RBM47: variants seen among roughly 807,000 people sequenced by gnomAD.
RBM47 encodes the protein RNA binding motif protein 47.
In RBM47, 21 loss-of-function variants were observed where a neutral mutation model predicts 47.1. The observed-to-expected ratio is 0.45, with a 90% CI of 0.32 to 0.64. The LOEUF is 0.64. RBM47 is among the 30% of genes least tolerant of loss of function. The probability of loss-of-function intolerance (pLI) is 0.05; values close to 1 mark genes in which losing one functional copy is unlikely to be tolerated. For missense variants in RBM47, 708 were observed against 870.9 expected (o/e 0.81, Z 2.35); for synonymous variants, 375 against 361.7 (o/e 1.04, Z -0.42).
intron 2 of RBM47, among the ~76,000 whole-genome samples, chr4:40,540,678 T>A (rs1028377673): frequency 1.1e-4 from 15 of 142,576 alleles, no homozygotes; most frequent in Non-Finnish European, 1.7e-4. Flanking sequence ...ATAATAATAA[T>A]AAATGGGGAA....
chr4:40,443,710 T>C (rs1714033634), intron 3 of RBM47, among the ~76,000 whole-genome samples: 3 of 66,830 alleles, frequency 4.5e-5, no homozygotes, highest in Admixed American at 2.6e-4. Flanking sequence ...AGAGTGAAAC[T>C]CCTTCTCAAA....
chr4:40,443,449 G>T (rs1240127806), intron 3 of RBM47, among the ~76,000 whole-genome samples: 1 of 152,114 alleles, frequency 6.6e-6, no homozygotes, highest in Non-Finnish European at 1.5e-5. Context: ...TGGGCACAGT[G>T]GCTTACACCT....
chr4:40,573,807 A>AAGAAAAGAAAGAAAGAAAGAAAG (rs1553903539), intron 1 of RBM47, among the ~76,000 whole-genome samples: 2 of 136,662 alleles, frequency 1.5e-5, no homozygotes, highest in African/African-American at 6.1e-5. Context: ...GAAAGAAAGA[A>AAGAAAAGAAAGAAAGAAAGAAAG]AAAGAAAGAA....
At chr4:40,431,645 G>A (rs1289796585) in intron 6 of RBM47, among the ~76,000 whole-genome samples, 4 of 118,060 alleles carry the variant, frequency 3.4e-5, no homozygotes, top group Admixed American at 9.4e-5. Flanking sequence ...GCGACAGAGC[G>A]AGACTCCGTC....
chr4:40,526,394 A>G (rs183498017), intron 2 of RBM47, among the ~76,000 whole-genome samples: 225 of 150,856 alleles, frequency 1.5e-3, no homozygotes, highest in Non-Finnish European at 2.6e-3. Context: ...GGACCTTAGA[A>G]CACTTCAGAA....
rs565961119 is a variant in RBM47, at chr4:40,534,463, T to C, written c.-155+9959A>G. 2.0e-5 allele frequency among the ~76,000 whole-genome samples: 3 copies of C among 152,266 alleles called. No individual in the cohort carries two copies. The South Asian group carries it at 6.2e-4, about 32-fold the overall frequency. On this transcript the variant is annotated intron_variant, in intron 2 of 6. Transcript: ENST00000295971. The stretch of plus-strand genomic sequence containing the variant: ...TAGAACCCACCAATACATTTTATAA[T>C]TGCATATTACACTCCGTATAGCTAA...
intron 1 of RBM47, among the ~76,000 whole-genome samples, chr4:40,590,345 T>C (rs1400772305): frequency 2.6e-5 from 4 of 151,886 alleles, no homozygotes; most frequent in Admixed American, 6.6e-5. Flanking sequence ...CGGCAGGCCA[T>C]GATCATGCCA....
intron 1 of RBM47, among the ~76,000 whole-genome samples, chr4:40,567,491 T>G (rs141228493): frequency 1.3e-5 from 2 of 152,156 alleles, no homozygotes; most frequent in East Asian, 3.9e-4. Flanking sequence ...AGCCCAGCCA[T>G]GACTTCAAGC....
intron 2 of RBM47, 81 bp from the exon 3 acceptor site, chr4:40,466,780 G>GGGT (rs1718114597): frequency 9.2e-6 from 1 of 109,112 alleles, no homozygotes; most frequent in African/African-American, 3.4e-5. Flanking sequence ...TTGGGGGGGG[G>GGGT]GGGGCAGATC....
intron 2 of RBM47, chr4:40,491,855 G>A: frequency 5.0e-6 from 1 of 199,558 alleles, no homozygotes; most frequent in Non-Finnish European, 1.0e-5. Context: ...TGGCTACATT[G>A]CCAAGTGCAA....
At chr4:40,444,141 G>A (rs1714136642) in intron 3 of RBM47, among the ~76,000 whole-genome samples, 1 of 152,182 alleles carries the variant, frequency 6.6e-6, no homozygotes. Flanking sequence ...TGAGGCTGCA[G>A]TGAGCTGTGA....
At chr4:40,494,100 C>A (rs1722257855) in intron 2 of RBM47, among the ~76,000 whole-genome samples, 1 of 152,014 alleles carries the variant, frequency 6.6e-6, no homozygotes. Flanking sequence ...TTTATTGACC[C>A]CCTTTTATGT....
rs143298391 is a variant in RBM47 at position 40,425,754 on chromosome 4, T to C, written c.*150A>G. The C allele has an allele frequency of 9.0e-4, 1,068 of 1,191,290 alleles. 7 individuals are homozygous for C. The African/African-American group carries it at 0.015, about 17-fold the overall frequency. 73.8% of individuals were successfully genotyped at this position (1,191,290 alleles called of 1,614,324 possible). A position where few individuals can be genotyped will look rare whatever the true frequency, so the allele number is the denominator to read the frequency against. ...ATAGTCTTAAAAAACTAGTGAAAACTTCATGTATATAAAATAATTCAGAAA... is the reference window on the plus strand; with the variant it reads ...ATAGTCTTAAAAAACTAGTGAAAACCTCATGTATATAAAATAATTCAGAAA... On this transcript the variant is annotated 3_prime_UTR_variant, in exon 7 of 7. Coordinates refer to ENST00000295971, the MANE Select transcript of RBM47 (RefSeq NM_001098634.2).
chr4:40,484,440 C>G (rs991640857), intron 2 of RBM47, among the ~76,000 whole-genome samples: 1 of 152,152 alleles, frequency 6.6e-6, no homozygotes, highest in Admixed American at 6.6e-5. Flanking sequence ...CTCCCACCCC[C>G]ACCCATTGGG....
intron 3 of RBM47, among the ~76,000 whole-genome samples, chr4:40,454,815 C>T (rs1457974593): frequency 2.6e-5 from 4 of 152,160 alleles, no homozygotes; most frequent in Admixed American, 6.5e-5. Flanking sequence ...TTTTAAAGAT[C>T]AGGAGATTGA....
intron 2 of RBM47, among the ~76,000 whole-genome samples, chr4:40,493,400 T>C (rs1357543074): frequency 6.6e-6 from 1 of 152,138 alleles, no homozygotes; most frequent in Non-Finnish European, 1.5e-5. Context: ...AGTAAGACAA[T>C]GTGTCCACAG....
chr4:40,616,603 G>C (rs947559255), intron 1 of RBM47, among the ~76,000 whole-genome samples: 1 of 152,026 alleles, frequency 6.6e-6, no homozygotes, highest in African/African-American at 2.4e-5. Context: ...CAAAAACTCA[G>C]TTTGCTAGAG....
chr4:40,475,288 A>G (rs1719443884), intron 2 of RBM47, among the ~76,000 whole-genome samples: 1 of 152,174 alleles, frequency 6.6e-6, no homozygotes, highest in African/African-American at 2.4e-5. Context: ...TTAAAATTAT[A>G]ATTTCCTTCT....
At chr4:40,575,198 C>G (rs545028135) in intron 1 of RBM47, among the ~76,000 whole-genome samples, 1 of 152,244 alleles carries the variant, frequency 6.6e-6, no homozygotes, top group African/African-American at 2.4e-5. Context: ...ACTGGCCCTA[C>G]AGAAACACTG....
Sources: allele counts gnomAD v4.1 joint callset (sites outside exome capture counted in the v4.1 genomes callset), GRCh38; gene constraint gnomAD v4.1.1; transcripts MANE v1.5; gene names NCBI Gene and HGNC (gene_info 2026-07-23, HGNC 2026-07-21).